Variants in ZNF616 observed in about 807,000 individuals in gnomAD.
The protein encoded by ZNF616 is zinc finger protein 616.
A neutral mutation model predicts 7.6 loss-of-function variants in ZNF616; 5 were observed. The observed-to-expected ratio is 0.66, with a 90% confidence interval of 0.34 to 1.38. ZNF616 has a LOEUF of 1.38. Ranked by LOEUF, ZNF616 falls within the 40% of genes most tolerant of loss-of-function variation. The pLI, the probability that ZNF616 is intolerant of heterozygous loss-of-function variation, is 0.04. For missense variants in ZNF616, 913 were observed against 948.3 expected (o/e 0.96, Z 0.49); for synonymous variants, 319 against 317.2 (o/e 1.01, Z -0.06).
At chr19:52,121,161 T>C (rs1481452409) in intron 3 of ZNF616, among the ~76,000 whole-genome samples, 2 of 152,208 alleles carry the variant, frequency 1.3e-5, no homozygotes, top group African/African-American at 4.8e-5. Context: ...TTCAAGCGAT[T>C]CTCCTGACTC....
chr19:52,134,734 T>A (rs11878805), intron 1 of ZNF616, among the ~76,000 whole-genome samples: 6,386 of 151,968 alleles, frequency 0.042, 427 homozygotes, highest in African/African-American at 0.14. Flanking sequence ...AAGGAAAAAA[T>A]TTGTTTTTTC....
rs146321819 is a variant in ZNF616 at position 52,115,367 on chromosome 19, A to G, written c.1797T>C (p.His599=). 1.2e-4 allele frequency: 191 copies of G among 1,614,158 alleles called. No individual in the cohort carries two copies. The highest frequency in any genetic ancestry group is 1.5e-4 in the Non-Finnish European group (182 of 1,180,032). ...GACATTTGTATGGTTTCTCTCCAGT[A>G]TGAACTCTTCGATGCCCTACAAGAT... ...YSHLVGHRRV[H]TGEKPYKCHE... is the part of the protein sequence containing the mutation. Residue 599 remains histidine (H), a synonymous_variant, in exon 4 of 4, where the codon CAT becomes CAC. Coordinates refer to ENST00000600228, the MANE Select transcript of ZNF616 (RefSeq NM_178523.5).
chr19:52,124,332 T>A (rs1238368402), intron 2 of ZNF616, among the ~76,000 whole-genome samples: 1 of 152,236 alleles, frequency 6.6e-6, no homozygotes, highest in African/African-American at 2.4e-5. Flanking sequence ...GATATTATGC[T>A]CCATACATCA....
chr19:52,124,349 T>C (rs1360868173), intron 2 of ZNF616, among the ~76,000 whole-genome samples: 2 of 152,238 alleles, frequency 1.3e-5, no homozygotes, highest in East Asian at 3.8e-4. Flanking sequence ...ATCAACTGTG[T>C]CTAGGTGAGC....
chr19:52,114,523 A>C lies in ZNF616; in HGVS notation c.*295T>G, dbSNP rs1269848769. 3.7e-6 allele frequency: 1 copy of C among 269,348 alleles called. No individual in the cohort carries two copies. Among genetic ancestry groups the C allele is most frequent in the Non-Finnish European group, 7.0e-6 (1 of 142,820 alleles). 16.7% of individuals were successfully genotyped at this position (269,348 alleles called of 1,614,324 possible). A position where few individuals can be genotyped will look rare whatever the true frequency, so the allele number is the denominator to read the frequency against. ...AGGTTAAAATCATGGTGGAAGGCAA[A>C]GCGGGTGTCGGTATTTCACATGGTG... On this transcript the variant is annotated 3_prime_UTR_variant, in exon 4 of 4. Coordinates refer to ENST00000600228, the MANE Select transcript of ZNF616 (RefSeq NM_178523.5).
intron 1 of ZNF616, among the ~76,000 whole-genome samples, chr19:52,136,493 T>G (rs2089010093): frequency 1.3e-5 from 2 of 151,882 alleles, no homozygotes. Context: ...GAAAAGGTAC[T>G]CAAGATCGCT....
chr19:52,131,521 G>A (rs1203964674), intron 1 of ZNF616, among the ~76,000 whole-genome samples: 1 of 152,120 alleles, frequency 6.6e-6, no homozygotes, highest in Non-Finnish European at 1.5e-5. Context: ...AAGGCAAAGG[G>A]CCAGAAAGAA....
chr19:52,117,047 G>A (rs1568558832), intron 3 of ZNF616, 23 bp from the exon 4 acceptor site: 3 of 1,493,594 alleles, frequency 2.0e-6, no homozygotes, highest in Admixed American at 4.9e-5. Flanking sequence ...ATGAACATGA[G>A]TTTTTTTTTA....
In ZNF616 at chr19:52,116,373, G is replaced by A. The variant is rs202056241; in HGVS notation, c.791C>T (p.Thr264Ile). Reference protein sequence around the residue: ...SYFVRHQRSHTGQKPYICNEC... With the variant: ...SYFVRHQRSHIGQKPYICNEC... ...ATTACATATGTAGGGTTTCTGTCCA[G>A]TGTGACTCCTTTGGTGTCTTACAAA... Residue 264 changes from threonine to isoleucine, a missense_variant, in exon 4 of 4, where the codon ACT (threonine) becomes ATT (isoleucine). Transcript: ENST00000600228. 6.8e-6 allele frequency: 11 copies of A among 1,613,914 alleles called. No individual in the cohort carries two copies. In the South Asian group the frequency reaches 1.2e-4, roughly 18 times the overall value.
At chr19:52,126,632 G>A (rs1002390755) in intron 2 of ZNF616, among the ~76,000 whole-genome samples, 13 of 152,012 alleles carry the variant, frequency 8.6e-5, no homozygotes, top group African/African-American at 2.9e-4. Context: ...GCCAGGTGTG[G>A]TGGCACGTGC....
At chr19:52,126,834 A>C (rs79010919) in intron 2 of ZNF616, among the ~76,000 whole-genome samples, 3,554 of 152,260 alleles carry the variant, frequency 0.023, 130 homozygotes, top group African/African-American at 0.081. Flanking sequence ...GGCCCATGAA[A>C]AACCATCAAG....
intron 2 of ZNF616, among the ~76,000 whole-genome samples, chr19:52,128,679 C>T (rs948002080): frequency 6.7e-6 from 1 of 150,302 alleles, no homozygotes; most frequent in African/African-American, 2.5e-5. Context: ...GAGGCGGAGG[C>T]TGCAGTGAGC....
At chr19:52,126,954 T>C (rs2088913970) in intron 2 of ZNF616, among the ~76,000 whole-genome samples, 3 of 152,098 alleles carry the variant, frequency 2.0e-5, no homozygotes, top group Admixed American at 6.6e-5. Flanking sequence ...ATAAAGATAT[T>C]ATCAAAGACT....
Position 52,116,788 on chromosome 19 carries a change from G to A in ZNF616, c.376C>T (p.His126Tyr), listed in dbSNP as rs745582938. 1.1e-5 allele frequency: 17 copies of A among 1,613,982 alleles called. No homozygotes were observed. Among genetic ancestry groups the A allele is most frequent in the Non-Finnish European group, 1.7e-6 (2 of 1,180,018 alleles). The change falls in exon 4 of 4, where the codon CAT becomes TAT. Residue 126 changes from histidine (H) to tyrosine (Y), a missense_variant. Transcript: ENST00000600228. Reference protein sequence around the residue: ...ENNLTGKRDQHSQGDVENNHI... With the variant: ...ENNLTGKRDQYSQGDVENNHI... ...TTGTTTTCTACATCCCCTTGACTAT[G>A]TTGATCTCTTTTACCAGTAAGATTG...
chr19:52,117,099 T>A, intron 3 of ZNF616, 75 bp from the exon 4 acceptor site: 2 of 1,273,118 alleles, frequency 1.6e-6, no homozygotes, highest in Admixed American at 2.6e-5. Flanking sequence ...ATTGGAAACA[T>A]ACCTACACTA....
chr19:52,121,754 T>C (rs1420195644), intron 3 of ZNF616, among the ~76,000 whole-genome samples: 2 of 152,122 alleles, frequency 1.3e-5, no homozygotes, highest in African/African-American at 4.8e-5. Context: ...TGGCTAGCCA[T>C]ATATAGAAGA....
At chr19:52,136,881 A>G (rs1469935916) in intron 1 of ZNF616, among the ~76,000 whole-genome samples, 1 of 151,982 alleles carries the variant, frequency 6.6e-6, no homozygotes, top group African/African-American at 2.4e-5. Flanking sequence ...TGGACAAAAC[A>G]GCGGGACCAT....
intron 2 of ZNF616, among the ~76,000 whole-genome samples, chr19:52,126,326 G>A (rs1252304841): frequency 9.2e-5 from 14 of 152,112 alleles, no homozygotes; most frequent in African/African-American, 3.4e-4. Flanking sequence ...GCAGGAATTC[G>A]AGACCAGCCT....
intron 1 of ZNF616, among the ~76,000 whole-genome samples, chr19:52,133,633 C>G (rs1344959170): frequency 1.3e-5 from 2 of 152,114 alleles, no homozygotes; most frequent in African/African-American, 4.8e-5. Flanking sequence ...ATTCTCCTGC[C>G]TCAGCCTCCT....
Sources: allele counts gnomAD v4.1 joint callset (sites outside exome capture counted in the v4.1 genomes callset), GRCh38; gene constraint gnomAD v4.1.1; transcripts MANE v1.5; gene names NCBI Gene and HGNC (gene_info 2026-07-23, HGNC 2026-07-21).